NALF1: variants seen among roughly 807,000 people sequenced by gnomAD.
NALF1 encodes the protein NALCN channel auxiliary factor 1.
Under a neutral mutation model 48.4 loss-of-function variants are expected in NALF1, and 3 were observed. The observed-to-expected ratio is 0.06, with a 90% CI of 0.03 to 0.16. NALF1 has a LOEUF of 0.16. Ranked by LOEUF, NALF1 falls within the 10% of genes least tolerant of loss-of-function variation. The probability of loss-of-function intolerance (pLI) is 1.00; values close to 1 mark genes in which losing one functional copy is unlikely to be tolerated. For missense variants in NALF1, 526 were observed against 571.5 expected (o/e 0.92, Z 0.81); for synonymous variants, 262 against 245.7 (o/e 1.07, Z -0.62).
chr13:107,602,380 T>C (rs1432680489), intron 1 of NALF1, among the ~76,000 whole-genome samples: 1 of 151,716 alleles, frequency 6.6e-6, no homozygotes, highest in Non-Finnish European at 1.5e-5. Context: ...TAAAATAACA[T>C]CTGAGATCTC....
chr13:107,352,245 G>A (rs186278786), intron 1 of NALF1, among the ~76,000 whole-genome samples: 4 of 152,278 alleles, frequency 2.6e-5, no homozygotes, highest in African/African-American at 9.6e-5. Context: ...TAGTTAGCGA[G>A]GGAAGGAGTA....
At chr13:107,457,327 G>T (rs1884840154) in intron 1 of NALF1, among the ~76,000 whole-genome samples, 1 of 152,106 alleles carries the variant, frequency 6.6e-6, no homozygotes, top group Non-Finnish European at 1.5e-5. Context: ...TTACTGGTGA[G>T]AAATCCAAAA....
intron 1 of NALF1, among the ~76,000 whole-genome samples, chr13:107,578,977 C>G (rs183355829): frequency 6.6e-6 from 1 of 152,300 alleles, no homozygotes; most frequent in African/African-American, 2.4e-5. Flanking sequence ...CTACCATATT[C>G]CTTCTCAATT....
At chr13:107,431,865 A>G (rs1159537813) in intron 1 of NALF1, among the ~76,000 whole-genome samples, 2 of 152,118 alleles carry the variant, frequency 1.3e-5, no homozygotes. Flanking sequence ...GGCAGTAATT[A>G]TATCAGTCCT....
At chr13:107,328,193 C>T (rs549317762) in intron 1 of NALF1, among the ~76,000 whole-genome samples, 1 of 151,940 alleles carries the variant, frequency 6.6e-6, no homozygotes, top group East Asian at 1.9e-4. Flanking sequence ...GCTGGGATTA[C>T]AGCTGTGAGC....
intron 1 of NALF1, among the ~76,000 whole-genome samples, chr13:107,855,989 C>G (rs571665435): frequency 7.1e-6 from 1 of 141,508 alleles, no homozygotes; most frequent in East Asian, 2.1e-4. Flanking sequence ...CTCATTGGAG[C>G]CTCAAACTCA....
intron 1 of NALF1, among the ~76,000 whole-genome samples, chr13:107,692,267 A>G (rs1197318024): frequency 6.6e-6 from 1 of 152,166 alleles, no homozygotes; most frequent in Non-Finnish European, 1.5e-5. Context: ...AATTAATGCC[A>G]ATTTTCCTAG....
intron 1 of NALF1, among the ~76,000 whole-genome samples, chr13:107,576,963 A>T (rs1878171373): frequency 6.6e-6 from 1 of 152,202 alleles, no homozygotes; most frequent in African/African-American, 2.4e-5. Flanking sequence ...ACTCGGGGTC[A>T]ATTCCCTTAA....
At chr13:107,374,159 C>T (rs979095544) in intron 1 of NALF1, among the ~76,000 whole-genome samples, 3 of 152,164 alleles carry the variant, frequency 2.0e-5, no homozygotes, top group African/African-American at 7.2e-5. Context: ...TTTTCTCTGT[C>T]TACTTTCCTA....
intron 1 of NALF1, among the ~76,000 whole-genome samples, chr13:107,375,383 G>C (rs546554260): frequency 3.9e-5 from 6 of 152,168 alleles, no homozygotes; most frequent in South Asian, 4.1e-4. Context: ...TGTTCTCGAA[G>C]AGACTCTGGA....
chr13:107,183,527 T>C (rs1214156933), intron 2 of NALF1, among the ~76,000 whole-genome samples: 3 of 152,110 alleles, frequency 2.0e-5, no homozygotes, highest in South Asian at 2.1e-4. Flanking sequence ...CATTCTACTA[T>C]AAAGACACAT....
chr13:107,563,388 T>C (rs1293810156), intron 1 of NALF1, among the ~76,000 whole-genome samples: 1 of 152,148 alleles, frequency 6.6e-6, no homozygotes, highest in Non-Finnish European at 1.5e-5. Flanking sequence ...ATCAACATCA[T>C]TAGAGAGCTC....
intron 1 of NALF1, among the ~76,000 whole-genome samples, chr13:107,526,706 G>A (rs1190218252): frequency 1.3e-5 from 2 of 152,122 alleles, no homozygotes; most frequent in African/African-American, 4.8e-5. Flanking sequence ...TGAAACTACA[G>A]GCAGGAATTA....
At chr13:107,666,578 T>G (rs188585116) in intron 1 of NALF1, among the ~76,000 whole-genome samples, 1 of 152,248 alleles carries the variant, frequency 6.6e-6, no homozygotes, top group Admixed American at 6.5e-5. Flanking sequence ...CTGAACCTAT[T>G]GAGATGGCTA....
chr13:107,517,548 C>T lies in NALF1; in HGVS notation c.916-306793G>A, dbSNP rs1057510209. ...TCGGGAGGTTGAGGCAGGAGAATCG[C>T]TTGAACCTGGGAGGCGGAGGTTGCA... On this transcript the variant is annotated intron_variant, in intron 1 of 2. Transcript: ENST00000375915. Among the ~76,000 whole-genome samples the T allele has an allele frequency of 3.3e-5, 5 of 152,248 alleles. No individual in the cohort carries two copies. In the East Asian group the frequency reaches 7.7e-4, roughly 24 times the overall value.
chr13:107,825,141 C>T (rs1379832509), intron 1 of NALF1, among the ~76,000 whole-genome samples: 1 of 151,996 alleles, frequency 6.6e-6, no homozygotes, highest in African/African-American at 2.4e-5. Context: ...ATAAAGTAAA[C>T]AAAATTTGGA....
chr13:107,184,116 C>T (rs1163523814), intron 2 of NALF1, among the ~76,000 whole-genome samples: 1 of 151,164 alleles, frequency 6.6e-6, no homozygotes, highest in Non-Finnish European at 1.5e-5. Flanking sequence ...ACCACCATGG[C>T]ACGTATATAT....
intron 1 of NALF1, among the ~76,000 whole-genome samples, chr13:107,264,492 A>G (rs1449637195): frequency 6.6e-6 from 1 of 152,202 alleles, no homozygotes; most frequent in African/African-American, 2.4e-5. Context: ...TTATTTGTTA[A>G]TTACACAAAG....
intron 1 of NALF1, among the ~76,000 whole-genome samples, chr13:107,357,995 A>G: frequency 6.6e-6 from 1 of 152,128 alleles, no homozygotes; most frequent in East Asian, 1.9e-4. Flanking sequence ...CATGCATAAA[A>G]ATATATATTT....
Sources: allele counts gnomAD v4.1 joint callset (sites outside exome capture counted in the v4.1 genomes callset), GRCh38; gene constraint gnomAD v4.1.1; transcripts MANE v1.5; gene names NCBI Gene and HGNC (gene_info 2026-07-23, HGNC 2026-07-21).